Variants in PCDHA9 observed in about 807,000 individuals in gnomAD.
The protein encoded by PCDHA9 is protocadherin alpha-9.
In PCDHA9, 62 loss-of-function variants were observed where a neutral mutation model predicts 62.0. The ratio of observed to expected loss-of-function variants is 1.00; its 90% CI spans 0.81 to 1.23. PCDHA9 has a LOEUF of 1.23. Ranked by LOEUF, PCDHA9 falls within the 50% of genes most tolerant of loss-of-function variation. The pLI, the probability that PCDHA9 is intolerant of heterozygous loss-of-function variation, is 0.00. For missense variants in PCDHA9, 1,205 were observed against 1,249.8 expected (o/e 0.96, Z 0.54); for synonymous variants, 557 against 567.6 (o/e 0.98, Z 0.27).
rs142720081 is a variant in PCDHA9, at chr5:141,009,771, T to G, written c.2687T>G (p.Ile896Ser). 1 of 1,614,082 alleles carries G rather than the reference T, an allele frequency of 6.2e-7. No individual in the cohort carries two copies. The change falls in exon 4 of 4, where the codon ATC becomes AGC. Residue 896 changes from isoleucine to serine, a missense_variant. Physicochemically the swap from Ile to Ser is moderately radical, Grantham distance 142. Transcript: ENST00000532602. ...DKFIIPGSPA[I>S]ISIRQEPTNS... ...TTCATTATCCCAGGATCTCCTGCAA[T>G]CATCTCCATCCGGCAGGAGCCTACT...
At chr5:140,985,531 C>T (rs542453995) in intron 3 of PCDHA9, among the ~76,000 whole-genome samples, 102 of 152,254 alleles carry the variant, frequency 6.7e-4, no homozygotes, top group African/African-American at 1.9e-3. Context: ...TAAAGCTTCA[C>T]GGTGAAGATG....
At chr5:140,930,785 A>G (rs1485024316) in intron 1 of PCDHA9, among the ~76,000 whole-genome samples, 1 of 152,248 alleles carries the variant, frequency 6.6e-6, no homozygotes, top group Admixed American at 6.5e-5. Context: ...TTTTCACAAT[A>G]TAATAGAATC....
intron 1 of PCDHA9, among the ~76,000 whole-genome samples, chr5:140,941,202 C>CTTTCCTT (rs1554213921): frequency 5.7e-5 from 7 of 122,742 alleles, no homozygotes; most frequent in Admixed American, 1.7e-4. Flanking sequence ...TTTCTTTCTT[C>CTTTCCTT]CTTTCTTTCT....
At chr5:140,868,550 T>A (rs2050522684) in intron 1 of PCDHA9, 1 of 152,704 alleles carries the variant, frequency 6.5e-6, no homozygotes, top group South Asian at 2.1e-4. Flanking sequence ...AATTTGATAG[T>A]ATTTTTATAT....
At chr5:140,956,142 T>C (rs1416783643) in intron 1 of PCDHA9, among the ~76,000 whole-genome samples, 1 of 152,194 alleles carries the variant, frequency 6.6e-6, no homozygotes, top group East Asian at 1.9e-4. Flanking sequence ...CCTTTATTTC[T>C]TTCTCTTTCC....
intron 1 of PCDHA9, among the ~76,000 whole-genome samples, chr5:140,923,810 T>C (rs1433569913): frequency 6.6e-6 from 1 of 152,202 alleles, no homozygotes; most frequent in Non-Finnish European, 1.5e-5. Flanking sequence ...TGAAATCTTC[T>C]GAAAATAGAC....
rs367885958 is a variant in PCDHA9, at chr5:140,884,427, C to G, written c.2394+33538C>G. The G allele has an allele frequency of 2.5e-5, 40 of 1,613,840 alleles. No individual in the cohort carries two copies. The African/African-American group carries it at 5.1e-4, about 20-fold the overall frequency. ...GTGCTCACGTTGCTGCTGTATACTG[C>G]GCTGCGGTGCTCGGCACCGCCCACC... is the stretch of plus-strand genomic sequence containing the variant. On this transcript the variant is annotated intron_variant, in intron 1 of 3. Coordinates refer to ENST00000532602, the MANE Select transcript of PCDHA9 (RefSeq NM_031857.2).
rs2150502964 is a variant in PCDHA9 at position 140,850,934 on chromosome 5, T to C, written c.2394+45T>C. On this transcript the variant is annotated intron_variant, in intron 1 of 3. Transcript: ENST00000532602. ...TATTTATTTATATAATTTTTTTTCTTGAAAGATATTATCGATTACTCCCAG... is the reference window on the plus strand; with the variant it reads ...TATTTATTTATATAATTTTTTTTCTCGAAAGATATTATCGATTACTCCCAG... 3.0e-5 allele frequency: 45 copies of C among 1,514,272 alleles called. 2 individuals are homozygous for C. The South Asian group carries it at 5.0e-4, about 17-fold the overall frequency. The allele number at this position is 1,514,272 out of a possible 1,614,324, so 93.8% of individuals were successfully genotyped here.
At chr5:140,967,320 A>G in intron 1 of PCDHA9, 6 of 1,609,774 alleles carry the variant, frequency 3.7e-6, no homozygotes, top group Non-Finnish European at 5.1e-6. Context: ...GTACAGACCT[A>G]CGAGCTCAGC....
At chr5:140,926,998 G>C in intron 1 of PCDHA9, 1 of 1,612,288 alleles carries the variant, frequency 6.2e-7, no homozygotes, top group Non-Finnish European at 8.5e-7. Flanking sequence ...GGGCGTAGCC[G>C]TAGGCAATCT....
chr5:140,852,387 C>T (rs1288868596), intron 1 of PCDHA9: 3 of 184,816 alleles, frequency 1.6e-5, no homozygotes, highest in African/African-American at 4.9e-5. Context: ...AAGCAATTCT[C>T]CTGCCTCAGC....
At chr5:140,883,244 G>C in intron 1 of PCDHA9, 3 of 1,614,014 alleles carry the variant, frequency 1.9e-6, no homozygotes, top group Non-Finnish European at 2.5e-6. Context: ...AGTTGACAAA[G>C]GAAATATTCC....
At chr5:140,965,827 A>G (rs2095939185) in intron 1 of PCDHA9, among the ~76,000 whole-genome samples, 1 of 152,172 alleles carries the variant, frequency 6.6e-6, no homozygotes, top group Non-Finnish European at 1.5e-5. Context: ...TAAACATTTA[A>G]ATATTGGTTA....
intron 1 of PCDHA9, among the ~76,000 whole-genome samples, chr5:140,970,131 A>G (rs1554232260): frequency 6.6e-6 from 1 of 152,186 alleles, no homozygotes; most frequent in Non-Finnish European, 1.5e-5. Context: ...GAAGGAAGAG[A>G]AGGGAAAAAG....
intron 1 of PCDHA9, chr5:140,882,074 G>C (rs1276421996): frequency 1.1e-6 from 1 of 886,834 alleles, no homozygotes. Context: ...CATGCGCATG[G>C]TGTCGCTCTT....
At chr5:140,888,037 A>T (rs547880007) in intron 1 of PCDHA9, among the ~76,000 whole-genome samples, 8 of 152,186 alleles carry the variant, frequency 5.3e-5, no homozygotes, top group Non-Finnish European at 1.0e-4. Flanking sequence ...ATATTAGTAC[A>T]TGTATAATAG....
intron 1 of PCDHA9, chr5:140,926,768 C>T: frequency 2.2e-6 from 3 of 1,361,764 alleles, no homozygotes; most frequent in Non-Finnish European, 2.9e-6. Context: ...GTATCCAGCC[C>T]GCAGCAGTGA....
At chr5:140,863,231 C>A in intron 1 of PCDHA9, 2 of 1,227,658 alleles carry the variant, frequency 1.6e-6, no homozygotes, top group Non-Finnish European at 2.3e-6. Context: ...AAGGTCCCAT[C>A]GCGGGCTTTG....
intron 1 of PCDHA9, among the ~76,000 whole-genome samples, chr5:140,921,218 T>G (rs1554200138): frequency 6.6e-6 from 1 of 152,126 alleles, no homozygotes; most frequent in African/African-American, 2.4e-5. Context: ...TTCACGTCTT[T>G]TTTGCTAGAT....
Sources: allele counts gnomAD v4.1 joint callset (sites outside exome capture counted in the v4.1 genomes callset), GRCh38; gene constraint gnomAD v4.1.1; transcripts MANE v1.5; gene names NCBI Gene and HGNC (gene_info 2026-07-23, HGNC 2026-07-21).